KYAT1: variants seen among roughly 807,000 people sequenced by gnomAD.
The protein encoded by KYAT1 is kynurenine--oxoglutarate transaminase 1.
A neutral mutation model predicts 52.4 loss-of-function variants in KYAT1; 47 were observed. The ratio of observed to expected loss-of-function variants is 0.90; its 90% CI spans 0.71 to 1.14. The LOEUF (loss-of-function observed/expected upper bound fraction) is 1.14, where lower values mean the gene tolerates loss of function less well. KYAT1 is among the 50% of genes most tolerant of loss of function. The pLI is 0.00. For missense variants in KYAT1, 480 were observed against 557.9 expected (o/e 0.86, Z 1.41); for synonymous variants, 212 against 209.6 (o/e 1.01, Z -0.10).
intron 7 of KYAT1, 133 bp from the exon 8 acceptor site, chr9:128,836,206 A>T: frequency 1.7e-6 from 1 of 604,576 alleles, no homozygotes; most frequent in Admixed American, 3.4e-5. Context: ...TTATTTGCAC[A>T]ATTTTTTTTC....
At chr9:128,873,737 C>T (rs757271442) in intron 1 of KYAT1, among the ~76,000 whole-genome samples, 2 of 150,370 alleles carry the variant, frequency 1.3e-5, no homozygotes, top group Non-Finnish European at 3.0e-5. Flanking sequence ...CGGCACTGCA[C>T]TCCACAGAGC....
chr9:128,850,168 G>A (rs555364422), intron 1 of KYAT1, among the ~76,000 whole-genome samples: 2 of 152,176 alleles, frequency 1.3e-5, no homozygotes, highest in African/African-American at 4.8e-5. Context: ...TTGCAGGCAT[G>A]AGCCACCATG....
At chr9:128,834,224 G>A (rs1416241942) in intron 11 of KYAT1, among the ~76,000 whole-genome samples, 3 of 152,084 alleles carry the variant, frequency 2.0e-5, no homozygotes, top group African/African-American at 2.4e-5. Context: ...CCACTTCACC[G>A]CAGCCTGGGC....
intron 1 of KYAT1, among the ~76,000 whole-genome samples, chr9:128,849,883 CTT>C (rs537211110): frequency 2.3e-4 from 21 of 91,952 alleles, no homozygotes; most frequent in African/African-American, 4.6e-4. Context: ...TTATTTTCTT[CTT>C]TTTTTTTTTT....
chr9:128,876,194 G>A (rs748390696), intron 1 of KYAT1, among the ~76,000 whole-genome samples: 7 of 148,798 alleles, frequency 4.7e-5, no homozygotes, highest in African/African-American at 7.4e-5. Flanking sequence ...TGCCTCAGCC[G>A]CCTGAGTATC....
intron 1 of KYAT1, among the ~76,000 whole-genome samples, chr9:128,866,963 G>A (rs145997408): frequency 2.8e-4 from 43 of 152,014 alleles, no homozygotes; most frequent in African/African-American, 9.9e-4. Flanking sequence ...CATAATTAGT[G>A]ATACGTAAAT....
intron 1 of KYAT1, among the ~76,000 whole-genome samples, chr9:128,848,556 G>A (rs372196569): frequency 5.9e-5 from 9 of 151,892 alleles, no homozygotes; most frequent in Non-Finnish European, 1.3e-4. Context: ...GGTGGCTCAC[G>A]CCTGTAATCC....
chr9:128,870,950 C>T (rs373991721), intron 1 of KYAT1, among the ~76,000 whole-genome samples: 2 of 98,082 alleles, frequency 2.0e-5, no homozygotes, highest in East Asian at 3.0e-4. Context: ...ACCTCAATTA[C>T]AAAAAAAAAA....
At chr9:128,860,013 G>C (rs1476221936) in intron 1 of KYAT1, 1 of 152,182 alleles carries the variant, frequency 6.6e-6, no homozygotes, top group Non-Finnish European at 1.5e-5. Context: ...GCGTGGCTCA[G>C]TCCAAGTCTG....
In KYAT1 at chr9:128,842,691, C is replaced by A; in HGVS notation, c.164G>T (p.Ser55Ile). ...FAVEAFQHAVSGDFMLNQYTK... is the reference protein window; with the variant it reads ...FAVEAFQHAVIGDFMLNQYTK... ...GTACTGGTTAAGCATGAAGTCTCCA[C>A]TGACAGCGTGCTGAAAGGCTTCCAC... The change falls in exon 3 of 13, where the codon AGT (serine) becomes ATT (isoleucine). Residue 55 changes from serine (S) to isoleucine (I), a missense_variant. Transcript: ENST00000302586. 1 of 1,614,206 alleles carries A rather than the reference C, an allele frequency of 6.2e-7. No homozygotes were observed. The highest frequency in any genetic ancestry group is 8.5e-7 in the Non-Finnish European group (1 of 1,180,018).
chr9:128,837,588 A>G, intron 6 of KYAT1, 97 bp downstream of exon 6: 1 of 1,430,692 alleles, frequency 7.0e-7, no homozygotes, highest in East Asian at 2.3e-5. Context: ...TCCCACACAC[A>G]AACGAAGAAA....
chr9:128,841,281 A>C (rs1271618402), intron 3 of KYAT1, among the ~76,000 whole-genome samples: 1 of 151,456 alleles, frequency 6.6e-6, no homozygotes, highest in Admixed American at 6.6e-5. Context: ...GAGGCAGGCG[A>C]ATCACGAGGT....
chr9:128,853,621 C>T (rs576923721), intron 1 of KYAT1, among the ~76,000 whole-genome samples: 16 of 152,290 alleles, frequency 1.1e-4, no homozygotes, highest in African/African-American at 3.6e-4. Flanking sequence ...TTTTATATTA[C>T]TCATATTCGA....
rs184943787 is a variant in KYAT1 at position 128,856,964 on chromosome 9, C to T, written c.-6-11553G>A. On this transcript the variant is annotated intron_variant, in intron 1 of 12. Transcript: ENST00000302586. ...GAGGAAGGCCACTGTCTCCTGCCTG[C>T]CCCTGGGAACTGAATGTCTCGGTAT... Among the ~76,000 whole-genome samples, 372 of 152,274 alleles carry T rather than the reference C, an allele frequency of 2.4e-3. 7 individuals carry two copies. Among genetic ancestry groups the T allele is most frequent in the Non-Finnish European group, 4.0e-4 (27 of 68,012 alleles).
upstream of KYAT1, chr9:128,882,211 C>G (rs1052300950): frequency 6.5e-6 from 1 of 153,224 alleles, no homozygotes; most frequent in Non-Finnish European, 1.5e-5. Context: ...CGGCCGGGGC[C>G]TGGGGCTGCC....
At position 128,835,354 on chromosome 9, in the gene KYAT1, C is replaced by G. The variant is rs974563685; in HGVS notation, c.1091G>C (p.Arg364Thr). 7 of 1,613,906 alleles carry G rather than the reference C, an allele frequency of 4.3e-6. No individual in the cohort carries two copies. The African/African-American group carries it at 9.3e-5, about 22-fold the overall frequency. The change falls in exon 11 of 13, where the codon AGA becomes ACA. Residue 364 changes from arginine to threonine, a missense_variant. Coordinates refer to ENST00000302586, the MANE Select transcript of KYAT1 (RefSeq NM_004059.5). ...CTTGATCATCCACTTGACGAAGCGT[C>G]TGTCATAGGGCTCATCCACAGCTCC... ...LPGAVDEPYD[R>T]RFVKWMIKNK...
chr9:128,835,669 T>C lies in KYAT1; in HGVS notation c.856-2A>G. The C allele has an allele frequency of 6.2e-7, 1 of 1,609,286 alleles. No individual in the cohort carries two copies. The highest frequency in any genetic ancestry group is 2.2e-5 in the East Asian group (1 of 44,870). ...TTCAAAGCTCTCGGCTACTGCAGCC[T>C]GGGCAGGGCAGATGGACACACAGAT... is the stretch of plus-strand genomic sequence containing the variant. On this transcript the variant is annotated splice_acceptor_variant, in intron 9 of 12. Coordinates refer to ENST00000302586, the MANE Select transcript of KYAT1 (RefSeq NM_004059.5). LOFTEE classifies it high-confidence loss of function.
chr9:128,844,264 T>C (rs1168392445), intron 2 of KYAT1, among the ~76,000 whole-genome samples: 1 of 152,164 alleles, frequency 6.6e-6, no homozygotes, highest in East Asian at 1.9e-4. Flanking sequence ...CATTTTTGGC[T>C]GGGCCCGGTG....
chr9:128,858,125 G>A (rs1352920722), intron 1 of KYAT1, among the ~76,000 whole-genome samples: 4 of 152,056 alleles, frequency 2.6e-5, no homozygotes, highest in African/African-American at 4.8e-5. Flanking sequence ...GGCTGGGCAC[G>A]GTGGCTCACG....
Sources: allele counts gnomAD v4.1 joint callset (sites outside exome capture counted in the v4.1 genomes callset), GRCh38; gene constraint gnomAD v4.1.1; transcripts MANE v1.5; gene names NCBI Gene and HGNC (gene_info 2026-07-23, HGNC 2026-07-21).